SLC26A9: variants seen among roughly 807,000 people sequenced by gnomAD.
The protein encoded by SLC26A9 is anion transporter/exchanger protein 9.
In SLC26A9, 46 loss-of-function variants were observed where a neutral mutation model predicts 87.1. The ratio of observed to expected loss-of-function variants is 0.53; its 90% confidence interval spans 0.42 to 0.67. The LOEUF is 0.67. Ranked by LOEUF, SLC26A9 falls within the 30% of genes least tolerant of loss-of-function variation. The probability of loss-of-function intolerance (pLI) is 0.00; values close to 1 mark genes in which losing one functional copy is unlikely to be tolerated. For missense variants in SLC26A9, 927 were observed against 1,018.3 expected, an observed-to-expected ratio of 0.91 and a Z score of 1.22; for synonymous variants, 437 against 409.1, an observed-to-expected ratio of 1.07 and a Z score of -0.82.
At chr1:205,919,088 A>G in intron 18 of SLC26A9, 103 bp from the exon 19 acceptor site, 1 of 1,440,116 alleles carries the variant, frequency 6.9e-7, no homozygotes, top group Non-Finnish European at 9.6e-7. Flanking sequence ...GAGAGGCCTG[A>G]GGTCCCAGCT....
chr1:205,919,506 G>A (rs1658733398), intron 18 of SLC26A9, among the ~76,000 whole-genome samples: 2 of 152,266 alleles, frequency 1.3e-5, no homozygotes, highest in South Asian at 2.1e-4. Context: ...GTGGCCATGC[G>A]GAGCTTGGGA....
intron 13 of SLC26A9, 63 bp from the exon 14 acceptor site, chr1:205,923,676 GC>G: frequency 3.1e-6 from 5 of 1,598,710 alleles, no homozygotes; most frequent in Non-Finnish European, 4.3e-6. Flanking sequence ...CTGGAAGGGT[GC>G]CCCTGCTGGG....
chr1:205,915,556 G>C, intron 20 of SLC26A9, 152 bp from the exon 21 acceptor site: 1 of 1,111,262 alleles, frequency 9.0e-7, no homozygotes, highest in Admixed American at 2.2e-5. Flanking sequence ...GTGCGAGAGT[G>C]TGTGTGAACA....
intron 4 of SLC26A9, 69 bp downstream of exon 4, chr1:205,932,633 G>A (rs1426078440): frequency 3.9e-6 from 5 of 1,294,548 alleles, no homozygotes; most frequent in South Asian, 1.5e-5. Context: ...ATCTCCCGAG[G>A]CCCCTTTGCC....
chr1:205,938,195 C>T (rs753606695), intron 1 of SLC26A9, among the ~76,000 whole-genome samples: 15 of 151,852 alleles, frequency 9.9e-5, no homozygotes, highest in African/African-American at 1.7e-4. Flanking sequence ...CTGTCCTCTC[C>T]CTACCCCTCA....
intron 10 of SLC26A9, 30 bp downstream of exon 10, chr1:205,927,462 T>TC (rs775693545): frequency 6.2e-7 from 1 of 1,603,124 alleles, no homozygotes; most frequent in Non-Finnish European, 8.5e-7. Context: ...TCTTACCACC[T>TC]CCCCCCAACT....
chr1:205,943,282 C>T (rs1353388601), intron 1 of SLC26A9, 83 bp downstream of exon 1: 2 of 152,216 alleles, frequency 1.3e-5, no homozygotes, highest in Non-Finnish European at 2.9e-5. Flanking sequence ...TCCTGTCATC[C>T]CTCCTCTCGG....
At chr1:205,919,278 G>T (rs1355458549) in intron 18 of SLC26A9, among the ~76,000 whole-genome samples, 1 of 152,192 alleles carries the variant, frequency 6.6e-6, no homozygotes, top group Non-Finnish European at 1.5e-5. Flanking sequence ...TGAAGAGGCC[G>T]CTGCCAGTTC....
Position 205,917,364 on chromosome 1 carries a change from A to T in SLC26A9, c.2257-10T>A. 6.2e-7 allele frequency: 1 copy of T among 1,613,962 alleles called. No homozygotes were observed. The highest frequency in any genetic ancestry group is 8.5e-7 in the Non-Finnish European group (1 of 1,179,912). On this transcript the variant is annotated splice_polypyrimidine_tract_variant and intron_variant, in intron 19 of 20. Transcript: ENST00000367135. The stretch of plus-strand genomic sequence containing the variant: ...CAGCATCCCCTGGAGCCTGGAAGGG[A>T]GGAAGCCAGTGCAGAATGAGCTTCA...
At chr1:205,923,515 G>A in intron 14 of SLC26A9, 29 bp downstream of exon 14, 1 of 1,613,998 alleles carries the variant, frequency 6.2e-7, no homozygotes, top group South Asian at 1.1e-5. Flanking sequence ...CAGAGCAAAA[G>A]AAGGAGGTCA....
chr1:205,918,915 A>G lies in SLC26A9; in HGVS notation c.2181T>C (p.Phe727=), dbSNP rs767873155. 3.7e-6 allele frequency: 6 copies of G among 1,614,204 alleles called. No individual in the cohort carries two copies. The highest frequency in any genetic ancestry group is 5.1e-6 in the Non-Finnish European group (6 of 1,180,024). ...AGAGGACTGCGTCATGTATGCTGGGAAAGACGTGCTTGCATTCTAGACTCC... is the reference window on the plus strand; with the variant it reads ...AGAGGACTGCGTCATGTATGCTGGGGAAGACGTGCTTGCATTCTAGACTCC... ...EDGSLECKHV[F]PSIHDAVLFA... The change falls in exon 19 of 21, where the codon TTT becomes TTC. Residue 727 remains phenylalanine, a synonymous_variant. Transcript: ENST00000367135.
intron 13 of SLC26A9, 27 bp from the exon 14 acceptor site, chr1:205,923,640 T>A: frequency 6.2e-7 from 1 of 1,613,824 alleles, no homozygotes; most frequent in South Asian, 1.1e-5. Context: ...GAGAAAAACA[T>A]AAGAGAATGC....
At chr1:205,918,105 A>C (rs971659649) in intron 19 of SLC26A9, among the ~76,000 whole-genome samples, 2 of 152,150 alleles carry the variant, frequency 1.3e-5, no homozygotes, top group East Asian at 1.9e-4. Context: ...GGGCCAGAAA[A>C]GCCTTTCTTA....
chr1:205,927,888 G>A lies in SLC26A9; in HGVS notation c.1101+14C>T. ...CCTGTCCTGCCCAGTCCTGCCGGGG[G>A]TGGCCAGAGCTACCTGGTTCGAATC... On this transcript the variant is annotated intron_variant, in intron 9 of 20. Coordinates refer to ENST00000367135, the MANE Select transcript of SLC26A9 (RefSeq NM_052934.4). The A allele has an allele frequency of 6.2e-7, 1 of 1,612,788 alleles. No homozygotes were observed. Among genetic ancestry groups the A allele is most frequent in the Non-Finnish European group, 8.5e-7 (1 of 1,179,144 alleles).
chr1:205,927,660 CAA>C, intron 9 of SLC26A9, 55 bp from the exon 10 acceptor site: 1 of 1,528,046 alleles, frequency 6.5e-7, no homozygotes. Context: ...GCACGGGGAC[CAA>C]GTGCAGTCAG....
At position 205,920,243 on chromosome 1, in the gene SLC26A9, T is replaced by C; in HGVS notation, c.2056-13A>G. 1 of 1,613,860 alleles carries C rather than the reference T, an allele frequency of 6.2e-7. No homozygotes were observed. Among genetic ancestry groups the C allele is most frequent in the Non-Finnish European group, 8.5e-7 (1 of 1,179,796 alleles). The stretch of plus-strand genomic sequence containing the variant: ...AGGTGGAGCTCAGCTAGAAGTGTTG[T>C]TGGGGTAGGGAGGCAAAAGGAAAGG... On this transcript the variant is annotated splice_polypyrimidine_tract_variant and intron_variant, in intron 17 of 20. Transcript: ENST00000367135.
chr1:205,930,112 C>T, intron 5 of SLC26A9, 56 bp from the exon 6 acceptor site: 2 of 1,532,940 alleles, frequency 1.3e-6, no homozygotes, highest in East Asian at 2.3e-5. Flanking sequence ...TCAGCAGTTC[C>T]AACGACCCGC....
In SLC26A9 at chr1:205,915,142, C is replaced by G. The variant is rs1390397553; in HGVS notation, c.*215G>C. ...GAAGAGTGGGCTCACCAGACTCTCA[C>G]TCCTGTAAGGGTAGCACCCCCCTGC... On this transcript the variant is annotated 3_prime_UTR_variant, in exon 21 of 21. Coordinates refer to ENST00000367135, the MANE Select transcript of SLC26A9 (RefSeq NM_052934.4). The G allele has an allele frequency of 6.8e-6, 11 of 1,613,480 alleles. No individual in the cohort carries two copies. In the East Asian group the frequency reaches 2.2e-4, roughly 33 times the overall value.
intron 16 of SLC26A9, among the ~76,000 whole-genome samples, 175 bp from the exon 17 acceptor site, chr1:205,922,022 G>A (rs929471101): frequency 2.0e-5 from 3 of 152,296 alleles, no homozygotes; most frequent in South Asian, 2.1e-4. Context: ...CCCTTTCTTA[G>A]GCAGGGCCTG....
Sources: gnomAD v4.1 joint callset for allele counts (sites outside exome capture counted in the v4.1 genomes callset) on GRCh38, gnomAD v4.1.1 for gene constraint, MANE v1.5 for transcripts, NCBI Gene and HGNC (gene_info 2026-07-23, HGNC 2026-07-21) for gene names.